Variants in WDR62 observed in about 807,000 individuals in gnomAD.
WDR62 encodes WD repeat-containing protein 62.
WDR62 carries 112 observed loss-of-function variants against 160.6 expected under a neutral mutation model. The ratio of observed to expected loss-of-function variants is 0.70; its 90% CI spans 0.60 to 0.82. The LOEUF (loss-of-function observed/expected upper bound fraction) is 0.82. Among genes scored for constraint, WDR62 ranks in the 40% least tolerant of loss-of-function variants. WDR62 has a pLI of 0.00. For missense variants in WDR62, 1,819 were observed against 1,983.8 expected, an observed-to-expected ratio of 0.92 and a Z score of 1.58; for synonymous variants, 792 against 815.1, an observed-to-expected ratio of 0.97 and a Z score of 0.48.
rs76130844 is a variant in WDR62, at chr19:36,073,544, C to G, written c.1233+13C>G. 30 of 1,461,726 alleles carry G rather than the reference C, an allele frequency of 2.1e-5. No individual in the cohort carries two copies. The highest frequency in any genetic ancestry group is 7.0e-5 in the African/African-American group (5 of 71,656). 90.5% of individuals were successfully genotyped at this position (1,461,726 alleles called of 1,614,324 possible). On this transcript the variant is annotated intron_variant, in intron 9 of 31. Coordinates refer to ENST00000401500, the MANE Select transcript of WDR62 (RefSeq NM_001083961.2). ...TTGGAACGTGGAGGTGAGCCCCCCC[C>G]CCACCCCCTTGCCCCTGCTTGGCCT... is the stretch of plus-strand genomic sequence containing the variant.
At chr19:36,092,379 TG>T (rs2145792725) in intron 18 of WDR62, among the ~76,000 whole-genome samples, 1 of 152,094 alleles carries the variant, frequency 6.6e-6, no homozygotes, top group South Asian at 2.1e-4. Context: ...CTTTAGCACA[TG>T]GGTGGTACTC....
In WDR62 at chr19:36,103,627, G is replaced by T. The variant is rs1231872737; in HGVS notation, c.3799G>T (p.Ala1267Ser). Residue 1267 changes from alanine (A) to serine (S), a missense_variant, in exon 30 of 32, where the codon GCC (alanine) becomes TCC (serine). Ala to Ser is a moderately conservative substitution (Grantham distance 99, BLOSUM62 1). Around this residue, in one of 3 missense-constraint regions of WDR62, gnomAD observed 770 missense variants for 734.2 expected, o/e 1.05. Coordinates refer to ENST00000401500, the MANE Select transcript of WDR62 (RefSeq NM_001083961.2). ...ELASLGQELQ[A>S]ITTATTPSLD... ...GGCCTCCTTGGGCCAGGAGCTTCAG[G>T]CCATCACCACCGCGACAACACCCAG... is the stretch of plus-strand genomic sequence containing the variant. The T allele has an allele frequency of 1.2e-6, 2 of 1,610,620 alleles. No individual in the cohort carries two copies. Among genetic ancestry groups the T allele is most frequent in the South Asian group, 1.1e-5 (1 of 91,044 alleles).
At chr19:36,100,514 A>AC (rs1568366471) in intron 22 of WDR62, among the ~76,000 whole-genome samples, 5 of 152,156 alleles carry the variant, frequency 3.3e-5, no homozygotes, top group African/African-American at 1.2e-4. Flanking sequence ...TGAACTTGAT[A>AC]TAAATAGACA....
rs1307539083 is a variant in WDR62 at position 36,057,997 on chromosome 19, G to A, written c.178-783G>A. Among the ~76,000 whole-genome samples the A allele has an allele frequency of 2.0e-5, 3 of 152,262 alleles. 1 individual carries two copies. Among genetic ancestry groups the A allele is most frequent in the Non-Finnish European group, 4.4e-5 (3 of 68,022 alleles). ...CCTCAGACTTCTTACCTGTAAAACA[G>A]GGGTGATAATAGAGCCTTCTTCGTG... On this transcript the variant is annotated intron_variant, in intron 1 of 31. Transcript: ENST00000401500.
chr19:36,075,228 T>G (rs1971512630), intron 9 of WDR62: 2 of 151,852 alleles, frequency 1.3e-5, no homozygotes, highest in Admixed American at 1.3e-4. Context: ...GAGACGGGGT[T>G]TCTCCTTGTT....
intron 10 of WDR62, among the ~76,000 whole-genome samples, chr19:36,082,689 C>T (rs1169676627): frequency 6.6e-6 from 1 of 152,300 alleles, no homozygotes; most frequent in African/African-American, 2.4e-5. Context: ...CCAGTTTAGA[C>T]CGTTCTGCAG....
intron 18 of WDR62, 87 bp downstream of exon 18, chr19:36,091,552 G>T (rs1296838262): frequency 7.5e-7 from 1 of 1,340,644 alleles, no homozygotes; most frequent in Non-Finnish European, 1.1e-6. Context: ...TTTCTAAACT[G>T]CCCAGTTTGG....
intron 1 of WDR62, among the ~76,000 whole-genome samples, chr19:36,056,992 T>C (rs764729746): frequency 1.3e-5 from 2 of 152,016 alleles, no homozygotes; most frequent in Admixed American, 6.6e-5. Flanking sequence ...TTTTGTGTTT[T>C]CTGGTAGAGA....
At chr19:36,090,927 C>T (rs1972562007) in intron 16 of WDR62, among the ~76,000 whole-genome samples, 1 of 152,260 alleles carries the variant, frequency 6.6e-6, no homozygotes, top group Non-Finnish European at 1.5e-5. Flanking sequence ...GGGCAAGCAT[C>T]ATCTCTTGAA....
At chr19:36,110,010 C>A (rs1879343524), downstream of WDR62, among the ~76,000 whole-genome samples, 3 of 151,612 alleles carry the variant, frequency 2.0e-5, no homozygotes, top group South Asian at 6.3e-4. Flanking sequence ...GAGCCAAGAT[C>A]ACGCCATTGC....
intron 21 of WDR62, among the ~76,000 whole-genome samples, chr19:36,097,882 T>TA (rs145357526): frequency 2.7e-5 from 4 of 150,174 alleles, no homozygotes; most frequent in African/African-American, 9.7e-5. Context: ...CTTTGTCTCA[T>TA]AAAAAAAATA....
chr19:36,100,839 C>T lies in WDR62; in HGVS notation c.2831C>T (p.Ser944Phe), dbSNP rs1234298452. The T allele has an allele frequency of 6.2e-7, 1 of 1,614,244 alleles. No homozygotes were observed. Among genetic ancestry groups the T allele is most frequent in the Non-Finnish European group, 8.5e-7 (1 of 1,180,046 alleles). The change falls in exon 23 of 32, where the codon TCT becomes TTT. Residue 944 changes from serine to phenylalanine, a missense_variant. Ser to Phe is a radical substitution (Grantham distance 155). Around this residue, in one of 3 missense-constraint regions of WDR62, gnomAD observed 934 missense variants for 1,157.2 expected, o/e 0.81. Transcript: ENST00000401500. ...GAGGCCAGTGAGCTCATCCTCTACTCTCTGGAGGCAGAAGTGACAGTCACA... is the reference window on the plus strand; with the variant it reads ...GAGGCCAGTGAGCTCATCCTCTACTTTCTGGAGGCAGAAGTGACAGTCACA... ...SSEASELILY[S>F]LEAEVTVTGT... is the part of the protein sequence containing the mutation.
rs1287573306 is a variant in WDR62 at position 36,089,049 on chromosome 19, AT to A, written c.1781del (p.Ile594ThrfsTer3). The A allele has an allele frequency of 1.7e-5, 27 of 1,614,014 alleles. No homozygotes were observed. Among genetic ancestry groups the A allele is most frequent in the Non-Finnish European group, 2.2e-5 (26 of 1,180,048 alleles). On this transcript the variant is annotated frameshift_variant, in exon 14 of 32. Coordinates refer to ENST00000401500, the MANE Select transcript of WDR62 (RefSeq NM_001083961.2). LOFTEE classifies it high-confidence loss of function. ...TCCTCCTCCCCTAGGCAACAGAGAC[AT>A]CCAGATGATCAGCTGTGGGGCTGAC... ...TAIKFAGNRD[I>X]QMISCGADKS...
rs372336874 is a variant in WDR62, at chr19:36,104,810, C to A, written c.4354C>A (p.Arg1452=). ...GGTGGACACCGGGCAGCAGCAGGCACGGACTGAGCTGGTCTCCACCTTCCT... is the reference window on the plus strand; with the variant it reads ...GGTGGACACCGGGCAGCAGCAGGCAAGGACTGAGCTGGTCTCCACCTTCCT... ...GQVDTGQQQA[R]TELVSTFLWI... The change falls in exon 32 of 32, where the codon CGG becomes AGG. Residue 1452 remains arginine, a synonymous_variant. Coordinates refer to ENST00000401500, the MANE Select transcript of WDR62 (RefSeq NM_001083961.2). 1.2e-6 allele frequency: 2 copies of A among 1,613,628 alleles called. No homozygotes were observed. The highest frequency in any genetic ancestry group is 2.2e-5 in the South Asian group (2 of 91,086).
In WDR62 at chr19:36,083,101, G is replaced by T. The variant is rs1263180092; in HGVS notation, c.1410G>T (p.Gln470His). The change falls in exon 11 of 32, where the codon CAG (glutamine) becomes CAT (histidine). Residue 470 changes from glutamine to histidine, a missense_variant. Transcript: ENST00000401500. ...TCGTGTACGTGGAGAATGACATCCA[G>T]CACCTGCAGGACATGTCACACTTCC... ...LKVVYVENDIQHLQDMSHFPD... is the reference protein window; with the variant it reads ...LKVVYVENDIHHLQDMSHFPD... 1.9e-6 allele frequency: 3 copies of T among 1,613,448 alleles called. No individual in the cohort carries two copies. The highest frequency in any genetic ancestry group is 2.5e-6 in the Non-Finnish European group (3 of 1,179,760).
Position 36,102,958 on chromosome 19 carries a change from AC to A in WDR62, c.3348del (p.Phe1117SerfsTer10), listed in dbSNP as rs797046109. On this transcript the variant is annotated frameshift_variant, in exon 28 of 32. Coordinates refer to ENST00000401500, the MANE Select transcript of WDR62 (RefSeq NM_001083961.2). LOFTEE classifies it high-confidence loss of function. ...SLQKASRFTH[T>X]FPPRATQCLV... ...CTCTCCTCCCCACAGGTTCACCCAT[AC>A]CTTCCCTCCCCGGGCAACCCAGTGC... The A allele has an allele frequency of 1.9e-6, 3 of 1,614,004 alleles. No homozygotes were observed. The highest frequency in any genetic ancestry group is 2.5e-6 in the Non-Finnish European group (3 of 1,180,004).
In WDR62 at chr19:36,073,444, C is replaced by A; in HGVS notation, c.1146C>A (p.Ser382Arg). The change falls in exon 9 of 32, where the codon AGC becomes AGA. Residue 382 changes from serine (S) to arginine (R), a missense_variant. Ser to Arg is a moderately radical substitution (Grantham distance 110). Transcript: ENST00000401500. The stretch of plus-strand genomic sequence containing the variant: ...TGTCCTGCGTGTATAAGGACCACAG[C>A]ATCTACATCTGGGATGTCAAGGACA... ...QWLSCVYKDH[S>R]IYIWDVKDIN... 1 of 1,614,128 alleles carries A rather than the reference C, an allele frequency of 6.2e-7. No homozygotes were observed.
chr19:36,097,138 T>G, intron 21 of WDR62, 59 bp downstream of exon 21: 1 of 1,551,202 alleles, frequency 6.4e-7, no homozygotes, highest in Non-Finnish European at 8.9e-7. Context: ...TCCCCAGCTC[T>G]GCCTTCTGGA....
Position 36,067,384 on chromosome 19 carries a change from G to A in WDR62, c.640G>A (p.Val214Ile). The change falls in exon 6 of 32, where the codon GTC becomes ATC. Residue 214 changes from valine to isoleucine, a missense_variant. Coordinates refer to ENST00000401500, the MANE Select transcript of WDR62 (RefSeq NM_001083961.2). ...LSFSEDSSYF[V>I]TVGNRHVRFW... ...CTTCTCAGAGGACAGCAGCTATTTTGTCACTGTTGGGAACCGCCATGTGAG... is the reference window on the plus strand; with the variant it reads ...CTTCTCAGAGGACAGCAGCTATTTTATCACTGTTGGGAACCGCCATGTGAG... 1.2e-6 allele frequency: 2 copies of A among 1,614,226 alleles called. No individual in the cohort carries two copies. Among genetic ancestry groups the A allele is most frequent in the Middle Eastern group, 3.3e-4 (2 of 6,062 alleles).
Sources: gnomAD v4.1 joint callset for allele counts (sites outside exome capture counted in the v4.1 genomes callset) on GRCh38, gnomAD v4.1.1 for gene constraint, gnomAD v4.1.1 regional missense constraint, MANE v1.5 for transcripts, NCBI Gene and HGNC (gene_info 2026-07-23, HGNC 2026-07-21) for gene names.